Variants in BCO1 observed in about 807,000 individuals in gnomAD.
The protein encoded by BCO1 is beta-carotene oxygenase 1.
In BCO1, 54 loss-of-function variants were observed where a neutral mutation model predicts 56.3. The ratio of observed to expected loss-of-function variants is 0.96; its 90% CI spans 0.77 to 1.20. BCO1 has a LOEUF of 1.20. Among genes scored for constraint, BCO1 ranks in the 50% most tolerant of loss-of-function variants. BCO1 has a pLI of 0.00. For synonymous variants in BCO1, 318 were observed against 266.1 expected (o/e 1.20, Z -1.90); for missense variants, 801 against 690.9 (o/e 1.16, Z -1.79).
chr16:81,268,217 G>C (rs1171184416), intron 6 of BCO1, 86 bp downstream of exon 6: 1 of 1,266,936 alleles, frequency 7.9e-7, no homozygotes, highest in East Asian at 2.3e-5. Flanking sequence ...TTTAAGGCAA[G>C]GAAGTGGCAT....
In BCO1 at chr16:81,242,493, G is replaced by A. The variant is rs529775373; in HGVS notation, c.65-2982G>A. ...TAGGATAACAGGCCTGAGCCACCGC[G>A]CTGGCCTCGGCTGTCATTTTTCAGT... On this transcript the variant is annotated intron_variant, in intron 1 of 10. Coordinates refer to ENST00000258168, the MANE Select transcript of BCO1 (RefSeq NM_017429.3). Among the ~76,000 whole-genome samples the A allele has an allele frequency of 1.1e-4, 16 of 152,118 alleles. No homozygotes were observed. In the East Asian group the frequency reaches 3.1e-3, roughly 29 times the overall value.
chr16:81,245,000 C>A (rs1425301989), intron 1 of BCO1, among the ~76,000 whole-genome samples: 2 of 152,120 alleles, frequency 1.3e-5, no homozygotes, highest in African/African-American at 4.8e-5. Flanking sequence ...AAGTGATTCT[C>A]CTGCCTCAGC....
chr16:81,275,632 A>G (rs1165161180), intron 7 of BCO1, among the ~76,000 whole-genome samples: 2 of 152,266 alleles, frequency 1.3e-5, no homozygotes, highest in African/African-American at 4.8e-5. Flanking sequence ...TTTGAAATGA[A>G]TGAATGAATG....
chr16:81,262,383 G>A (rs574989597), intron 4 of BCO1, 100 bp downstream of exon 4: 2 of 1,338,058 alleles, frequency 1.5e-6, no homozygotes, highest in African/African-American at 2.9e-5. Flanking sequence ...AGCTTACCAG[G>A]GGAGCCCCTC....
At chr16:81,244,734 T>A (rs1905295676) in intron 1 of BCO1, among the ~76,000 whole-genome samples, 1 of 150,826 alleles carries the variant, frequency 6.6e-6, no homozygotes, top group Non-Finnish European at 1.5e-5. Context: ...TTTTTTTTTT[T>A]TTAATTTTTT....
chr16:81,260,345 T>C, intron 3 of BCO1, among the ~76,000 whole-genome samples: 1 of 150,980 alleles, frequency 6.6e-6, no homozygotes, highest in Non-Finnish European at 1.5e-5. Context: ...AAAGAGCATG[T>C]TATAAGCTGT....
chr16:81,240,996 G>A (rs939187223), intron 1 of BCO1, among the ~76,000 whole-genome samples: 3 of 151,008 alleles, frequency 2.0e-5, no homozygotes, highest in Non-Finnish European at 2.9e-5. Flanking sequence ...CACCACACCC[G>A]GCTAATTTTG....
intron 7 of BCO1, 67 bp from the exon 8 acceptor site, chr16:81,280,790 A>C (rs1474223398): frequency 5.1e-6 from 6 of 1,174,174 alleles, no homozygotes; most frequent in Non-Finnish European, 7.6e-6. Flanking sequence ...AAATATATAC[A>C]CTAAAGCAAA....
chr16:81,257,572 G>A (rs2151934337), intron 2 of BCO1, among the ~76,000 whole-genome samples: 1 of 149,308 alleles, frequency 6.7e-6, no homozygotes, highest in East Asian at 2.1e-4. Context: ...GCCTAGATGT[G>A]TTATTTTACA....
intron 2 of BCO1, among the ~76,000 whole-genome samples, chr16:81,256,572 G>A (rs889974989): frequency 6.6e-6 from 1 of 152,058 alleles, no homozygotes; most frequent in Admixed American, 6.6e-5. Flanking sequence ...GCCCCTCCCC[G>A]AGGTTTCAAA....
intron 1 of BCO1, among the ~76,000 whole-genome samples, chr16:81,242,299 C>G (rs1302267518): frequency 6.8e-6 from 1 of 146,414 alleles, no homozygotes; most frequent in Non-Finnish European, 1.5e-5. Flanking sequence ...CTCCTAGGTT[C>G]AATCGATTCT....
Position 81,280,310 on chromosome 16 carries a change from TACACACACACACAGACAC to T in BCO1, c.1102-533_1102-516del, listed in dbSNP as rs1314087190. Among the ~76,000 whole-genome samples the T allele has an allele frequency of 4.8e-3, 129 of 26,686 alleles. 2 individuals are homozygous for T. Among genetic ancestry groups the T allele is most frequent in the South Asian group, 0.011 (5 of 440 alleles). 17.5% of individuals were successfully genotyped at this position (26,686 alleles called of 152,430 possible). ...AAAAAAAAAAAAAAAAAAAAAAAAT[TACACACACACACAGACAC>T]ACACACACACACACACACACACATT... On this transcript the variant is annotated intron_variant, in intron 7 of 10. Transcript: ENST00000258168.
rs770786848 is a variant in BCO1, at chr16:81,264,703, G to A, written c.535G>A (p.Gly179Arg). 1.2e-5 allele frequency: 20 copies of A among 1,614,134 alleles called. No individual in the cohort carries two copies. The highest frequency in any genetic ancestry group is 1.5e-5 in the Non-Finnish European group (18 of 1,179,984). ...GTCACATCCCCATTATGATGAGGCT[G>A]GAAATGTTCTAAACATGGGCACATC... Reference protein sequence around the residue: ...ATSHPHYDEAGNVLNMGTSIV... With the variant: ...ATSHPHYDEARNVLNMGTSIV... The change falls in exon 5 of 11, where the codon GGA (glycine) becomes AGA (arginine). Residue 179 changes from glycine (G) to arginine (R), a missense_variant. Physicochemically the swap from Gly to Arg is moderately radical, Grantham distance 125. Transcript: ENST00000258168.
intron 3 of BCO1, among the ~76,000 whole-genome samples, chr16:81,261,020 C>T (rs142184740): frequency 3.6e-4 from 55 of 152,322 alleles, no homozygotes; most frequent in African/African-American, 1.3e-3. Flanking sequence ...TCATCTCTCC[C>T]ATTCCAGTAT....
At chr16:81,269,107 T>C (rs1278411537) in intron 6 of BCO1, among the ~76,000 whole-genome samples, 1 of 139,934 alleles carries the variant, frequency 7.1e-6, no homozygotes, top group Non-Finnish European at 1.6e-5. Context: ...ACTTCACTTT[T>C]GTAAAATATC....
intron 1 of BCO1, among the ~76,000 whole-genome samples, chr16:81,239,932 C>G (rs1439761594): frequency 1.3e-5 from 2 of 152,110 alleles, no homozygotes; most frequent in Admixed American, 1.3e-4. Flanking sequence ...TGAGTCAGCT[C>G]AGGCCTGCAG....
chr16:81,276,820 A>G (rs185186317), intron 7 of BCO1, among the ~76,000 whole-genome samples: 3 of 151,914 alleles, frequency 2.0e-5, no homozygotes, highest in Admixed American at 1.3e-4. Flanking sequence ...TAAACCCAGC[A>G]CTTTGGGAGG....
intron 7 of BCO1, among the ~76,000 whole-genome samples, chr16:81,271,094 C>T (rs1907184204): frequency 6.8e-6 from 1 of 147,836 alleles, no homozygotes; most frequent in South Asian, 2.2e-4. Context: ...ACACAGCATA[C>T]AATTTGCCCT....
intron 2 of BCO1, among the ~76,000 whole-genome samples, chr16:81,255,365 G>T (rs567613740): frequency 6.6e-6 from 1 of 152,258 alleles, no homozygotes; most frequent in South Asian, 2.1e-4. Context: ...TTTATTAGCT[G>T]GGAAATAAGT....
Sources: gnomAD v4.1 joint callset for allele counts (sites outside exome capture counted in the v4.1 genomes callset) on GRCh38, gnomAD v4.1.1 for gene constraint, MANE v1.5 for transcripts, NCBI Gene and HGNC (gene_info 2026-07-23, HGNC 2026-07-21) for gene names.